NTRK2: variants seen among roughly 807,000 people sequenced by gnomAD.
NTRK2 encodes neurotrophic receptor tyrosine kinase 2, also known as BDNF/NT-3 growth factors receptor.
Under a neutral mutation model 94.5 loss-of-function variants are expected in NTRK2, and 13 were observed. The observed-to-expected ratio is 0.14, with a 90% confidence interval of 0.09 to 0.22. The LOEUF (loss-of-function observed/expected upper bound fraction) is 0.22. Among genes scored for constraint, NTRK2 ranks in the 10% least tolerant of loss-of-function variants. The probability of loss-of-function intolerance (pLI) is 1.00; values close to 1 mark genes in which losing one functional copy is unlikely to be tolerated. For missense variants in NTRK2, 639 were observed against 1,071.2 expected, an observed-to-expected ratio of 0.60 and a Z score of 5.63; for synonymous variants, 372 against 407.4, an observed-to-expected ratio of 0.91 and a Z score of 1.05.
At chr9:84,991,302 A>G (rs1029613519) in intron 17 of NTRK2, among the ~76,000 whole-genome samples, 2 of 152,220 alleles carry the variant, frequency 1.3e-5, no homozygotes, top group Admixed American at 6.5e-5. Flanking sequence ...TTAACGAGAC[A>G]AGGACATAGC....
At chr9:84,946,852 G>A (rs567336956) in intron 15 of NTRK2, among the ~76,000 whole-genome samples, 2 of 152,258 alleles carry the variant, frequency 1.3e-5, no homozygotes, top group Admixed American at 1.3e-4. Flanking sequence ...GCTTCTAGAG[G>A]CCACCCACAT....
chr9:84,828,009 C>T (rs2073296935), intron 12 of NTRK2, among the ~76,000 whole-genome samples: 1 of 152,156 alleles, frequency 6.6e-6, no homozygotes, highest in East Asian at 1.9e-4. Context: ...TTAAGCCTTT[C>T]TTTTGAAACT....
At chr9:84,949,520 T>A (rs1490809711) in intron 16 of NTRK2, among the ~76,000 whole-genome samples, 3 of 152,214 alleles carry the variant, frequency 2.0e-5, no homozygotes, top group African/African-American at 7.2e-5. Context: ...CAGGCTGGAG[T>A]GCAGTTATGT....
Position 85,022,186 on chromosome 9 carries a change from T to C in NTRK2, c.*749T>C, listed in dbSNP as rs200840627. The C allele has an allele frequency of 3.0e-5, 7 of 233,148 alleles. No individual in the cohort carries two copies. The highest frequency in any genetic ancestry group is 1.5e-4 in the African/African-American group (7 of 45,344). 14.4% of individuals were successfully genotyped at this position (233,148 alleles called of 1,614,324 possible). On this transcript the variant is annotated 3_prime_UTR_variant, in exon 19 of 19. Transcript: ENST00000277120. Reference sequence around the variant, plus strand: ...CTACTTAGGAAATACTCAGCAACTGTTAGCTGGGAAGAATGTATTCGGCAC... The same window carrying C: ...CTACTTAGGAAATACTCAGCAACTGCTAGCTGGGAAGAATGTATTCGGCAC...
intron 14 of NTRK2, 49 bp downstream of exon 14, chr9:84,867,480 TCA>T (rs768245011): frequency 1.3e-6 from 2 of 1,484,562 alleles, no homozygotes; most frequent in African/African-American, 2.8e-5. Flanking sequence ...CATAGCTGTA[TCA>T]ACCAGAGTGT....
In NTRK2 at chr9:84,854,474, A is replaced by T. The variant is rs1283787190; in HGVS notation, c.1397-6566A>T. Among the ~76,000 whole-genome samples the T allele has an allele frequency of 8.5e-5, 13 of 152,264 alleles. No homozygotes were observed. In the South Asian group the frequency reaches 2.3e-3, roughly 27 times the overall value. On this transcript the variant is annotated intron_variant, in intron 12 of 18. Coordinates refer to ENST00000277120, the MANE Select transcript of NTRK2 (RefSeq NM_006180.6). ...CTTGAGGCTCAAATTCTAGAAAAGG[A>T]TGCAGATAATAAACAACAAATCAAT...
chr9:84,942,466 T>C (rs1214542510), intron 15 of NTRK2, among the ~76,000 whole-genome samples: 3 of 152,176 alleles, frequency 2.0e-5, no homozygotes, highest in African/African-American at 4.8e-5. Flanking sequence ...ATTTTATAGT[T>C]TAGAAATGTT....
chr9:84,995,447 C>T (rs1829638990), intron 17 of NTRK2, among the ~76,000 whole-genome samples: 1 of 152,094 alleles, frequency 6.6e-6, no homozygotes, highest in South Asian at 2.1e-4. Flanking sequence ...TGAGACCCTA[C>T]AAAATCCCAG....
intron 12 of NTRK2, among the ~76,000 whole-genome samples, chr9:84,832,413 A>G (rs556805691): frequency 2.0e-5 from 3 of 152,320 alleles, no homozygotes; most frequent in African/African-American, 7.2e-5. Context: ...GTGATCAGAG[A>G]AGCTATTTCT....
At chr9:85,003,096 T>A (rs1830502679) in intron 17 of NTRK2, among the ~76,000 whole-genome samples, 1 of 152,196 alleles carries the variant, frequency 6.6e-6, no homozygotes, top group Non-Finnish European at 1.5e-5. Context: ...TTTATTGTCC[T>A]ATGGTTTTCC....
intron 14 of NTRK2, among the ~76,000 whole-genome samples, chr9:84,898,843 C>T (rs2076840568): frequency 6.6e-6 from 1 of 152,148 alleles, no homozygotes; most frequent in African/African-American, 2.4e-5. Flanking sequence ...GCTGGAATTA[C>T]AGGCATGCAC....
At chr9:84,723,774 T>G in intron 7 of NTRK2, 65 bp downstream of exon 7, 4 of 1,587,582 alleles carry the variant, frequency 2.5e-6, no homozygotes, top group Non-Finnish European at 3.5e-6. Flanking sequence ...CGAGAATGTA[T>G]TAAACCTAGT....
At chr9:84,776,125 C>G (rs1185798424) in intron 12 of NTRK2, among the ~76,000 whole-genome samples, 1 of 151,544 alleles carries the variant, frequency 6.6e-6, no homozygotes, top group Non-Finnish European at 1.5e-5. Context: ...GTCTATCTAT[C>G]CAACTAGATG....
At chr9:84,861,153 G>T (rs2075322375) in intron 13 of NTRK2, 66 bp downstream of exon 13, 1 of 1,218,192 alleles carries the variant, frequency 8.2e-7, no homozygotes, top group Non-Finnish European at 1.2e-6. Context: ...GGATGAAAAT[G>T]CTTAGACCCT....
chr9:84,750,228 C>T (rs1366058366), intron 11 of NTRK2, among the ~76,000 whole-genome samples: 1 of 152,078 alleles, frequency 6.6e-6, no homozygotes, highest in African/African-American at 2.4e-5. Flanking sequence ...TTGTGACAAC[C>T]CCAAATTGTC....
At position 84,784,988 on chromosome 9, in the gene NTRK2, A is replaced by G. The variant is rs201688284; in HGVS notation, c.1396+32903A>G. 7.2e-5 allele frequency among the ~76,000 whole-genome samples: 11 copies of G among 152,304 alleles called. No individual in the cohort carries two copies. In the East Asian group the frequency reaches 2.1e-3, roughly 29 times the overall value. ...AACATTTATAAAGTGTTTTTGGTGAACCCATTTATACAGTAGAATTCATTT... is the reference window on the plus strand; with the variant it reads ...AACATTTATAAAGTGTTTTTGGTGAGCCCATTTATACAGTAGAATTCATTT... On this transcript the variant is annotated intron_variant, in intron 12 of 18. Transcript: ENST00000277120.
intron 12 of NTRK2, chr9:84,814,041 C>G (rs2072105818): frequency 9.4e-7 from 1 of 1,065,122 alleles, no homozygotes; most frequent in Non-Finnish European, 1.1e-6. Flanking sequence ...AAAAACAAAT[C>G]TCAACACACA....
chr9:84,768,071 A>T (rs1230388420), intron 12 of NTRK2, among the ~76,000 whole-genome samples: 1 of 152,204 alleles, frequency 6.6e-6, no homozygotes, highest in Non-Finnish European at 1.5e-5. Context: ...ATGGGCTCTC[A>T]AAAATCAATA....
chr9:84,767,447 A>G (rs534758518), intron 12 of NTRK2, among the ~76,000 whole-genome samples: 11 of 152,216 alleles, frequency 7.2e-5, no homozygotes, highest in Non-Finnish European at 1.6e-4. Context: ...AGAGCACTTG[A>G]TTTTTCTGTT....
Sources: allele counts gnomAD v4.1 joint callset (sites outside exome capture counted in the v4.1 genomes callset), GRCh38; gene constraint gnomAD v4.1.1; transcripts MANE v1.5; gene names NCBI Gene and HGNC (gene_info 2026-07-23, HGNC 2026-07-21).